The following SLC26A7 variants were observed in gnomAD, a reference collection of about 807,000 sequenced individuals.
SLC26A7 encodes the protein solute carrier family 26 member 7.
In SLC26A7, 59 loss-of-function variants were observed where a neutral mutation model predicts 82.5. That is an observed-to-expected ratio of 0.72 (90% confidence interval 0.58 to 0.89). The LOEUF (loss-of-function observed/expected upper bound fraction) is 0.89, where lower values mean the gene tolerates loss of function less well. Ranked by LOEUF, SLC26A7 falls within the 40% of genes least tolerant of loss-of-function variation. The probability of loss-of-function intolerance (pLI) is 0.00; values close to 1 mark genes in which losing one functional copy is unlikely to be tolerated. For missense variants in SLC26A7, 820 were observed against 793.0 expected (o/e 1.03, Z -0.41); for synonymous variants, 271 against 274.3 (o/e 0.99, Z 0.12).
intron 14 of SLC26A7, among the ~76,000 whole-genome samples, chr8:91,369,543 AT>A (rs1814295302): frequency 1.3e-5 from 2 of 152,178 alleles, no homozygotes; most frequent in South Asian, 4.1e-4. Flanking sequence ...TTTGCAGAAA[AT>A]ATTCTAAAGA....
rs889911842 is a variant in SLC26A7, at chr8:91,225,659, T to G, written c.-34+6654T>G. Among the ~76,000 whole-genome samples, 34 of 134,318 alleles carry G rather than the reference T, an allele frequency of 2.5e-4. 1 individual carries two copies. The East Asian group carries it at 6.7e-3, about 26-fold the overall frequency. The allele number at this position is 134,318 out of a possible 152,430, so 88.1% of individuals were successfully genotyped here. On this transcript the variant is annotated intron_variant, in intron 2 of 5. Coordinates refer to the SLC26A7 transcript ENST00000522862. Reference sequence around the variant, plus strand: ...TAGAAAAGTGTTTTTTTTTTTTTTTTTTTTTTTTTTTTTTTTACCATTTTA... The same window carrying G: ...TAGAAAAGTGTTTTTTTTTTTTTTTGTTTTTTTTTTTTTTTTACCATTTTA...
intron 2 of SLC26A7, among the ~76,000 whole-genome samples, chr8:91,228,619 T>C (rs1026959519): frequency 1.1e-4 from 16 of 151,852 alleles, no homozygotes; most frequent in Non-Finnish European, 1.8e-4. Flanking sequence ...ATTTGATACA[T>C]ATTTGGAGAG....
At position 91,322,786 on chromosome 8, in the gene SLC26A7, T is replaced by C. The variant is rs563673168; in HGVS notation, c.642+4406T>C. 5.9e-5 allele frequency among the ~76,000 whole-genome samples: 9 copies of C among 152,264 alleles called. No homozygotes were observed. In the South Asian group the frequency reaches 1.9e-3, roughly 32 times the overall value. On this transcript the variant is annotated intron_variant, in intron 5 of 18. Transcript: ENST00000276609. ...CAAGAGCAAAAGGCGAGCTTGGCAA[T>C]ATATTCAGCCATCCTTCTTGGAAGT...
intron 2 of SLC26A7, among the ~76,000 whole-genome samples, chr8:91,265,400 C>T (rs1811084026): frequency 6.6e-6 from 1 of 151,974 alleles, no homozygotes; most frequent in Non-Finnish European, 1.5e-5. Context: ...TGGATATATA[C>T]CCAGTAGTGG....
chr8:91,249,747 G>T lies in SLC26A7; in HGVS notation c.96G>T (p.Leu32=). 6.2e-7 allele frequency: 1 copy of T among 1,612,576 alleles called. No individual in the cohort carries two copies. The highest frequency in any genetic ancestry group is 8.5e-7 in the Non-Finnish European group (1 of 1,179,228). The change falls in exon 2 of 19, where the codon CTG becomes CTT. Residue 32 remains leucine, a synonymous_variant. Transcript: ENST00000276609. ...EDIIQWCRRR[L]PILDWAPHYN... ...TTATACAGTGGTGTAGAAGGCGACT[G>T]CCCATTTTGGATTGGGCACCACATT...
At chr8:91,232,450 CACTGCAACAT>C (rs1563636608) in intron 2 of SLC26A7, among the ~76,000 whole-genome samples, 1 of 152,136 alleles carries the variant, frequency 6.6e-6, no homozygotes, top group Non-Finnish European at 1.5e-5. Flanking sequence ...AGTCCTTTTC[CACTGCAACAT>C]ACTACGTTCC....
intron 2 of SLC26A7, among the ~76,000 whole-genome samples, chr8:91,283,289 A>G (rs1811623571): frequency 6.6e-6 from 1 of 152,144 alleles, no homozygotes; most frequent in Non-Finnish European, 1.5e-5. Context: ...GGAGGAAGTG[A>G]AAGATGGGGA....
intron 5 of SLC26A7, among the ~76,000 whole-genome samples, chr8:91,331,849 T>A (rs944035527): frequency 1.3e-5 from 2 of 152,108 alleles, no homozygotes; most frequent in African/African-American, 4.8e-5. Flanking sequence ...AATAATTTGA[T>A]AAAAGAAAGA....
chr8:91,256,303 C>T (rs1375253516), intron 2 of SLC26A7, among the ~76,000 whole-genome samples: 1 of 152,040 alleles, frequency 6.6e-6, no homozygotes, highest in Non-Finnish European at 1.5e-5. Flanking sequence ...AGTTATTGGA[C>T]CAGGTGAAGG....
chr8:91,295,347 G>A (rs918577525), intron 3 of SLC26A7, among the ~76,000 whole-genome samples, 184 bp from the exon 4 acceptor site: 1 of 152,180 alleles, frequency 6.6e-6, no homozygotes, highest in African/African-American at 2.4e-5. Context: ...CATATATGGA[G>A]GTAAGTTTCC....
At chr8:91,343,981 A>G (rs1350883169) in intron 9 of SLC26A7, 2 of 885,274 alleles carry the variant, frequency 2.3e-6, no homozygotes, top group African/African-American at 3.6e-5. Context: ...GGCCTGTGAT[A>G]TACCAGGCAT....
rs79249457 is a variant in SLC26A7, at chr8:91,258,682, C to G, written c.193+8838C>G. On this transcript the variant is annotated intron_variant, in intron 2 of 18. Transcript: ENST00000276609. Reference sequence around the variant, plus strand: ...GACCCTAAGAGTTTGATACTGTTATCTGTATTTAACAGATGAAGGAAAGTA... The same window carrying G: ...GACCCTAAGAGTTTGATACTGTTATGTGTATTTAACAGATGAAGGAAAGTA... 6.9e-3 allele frequency among the ~76,000 whole-genome samples: 1,044 copies of G among 152,158 alleles called. 11 individuals carry two copies. The highest frequency in any genetic ancestry group is 0.024 in the African/African-American group (1,014 of 41,534).
At chr8:91,227,234 A>G (rs1178471184) in intron 2 of SLC26A7, among the ~76,000 whole-genome samples, 2 of 152,166 alleles carry the variant, frequency 1.3e-5, no homozygotes, top group African/African-American at 4.8e-5. Context: ...GCAACTGGAG[A>G]AATAACTTCT....
intron 11 of SLC26A7, among the ~76,000 whole-genome samples, chr8:91,353,344 A>T (rs1049845525): frequency 6.6e-6 from 1 of 152,180 alleles, no homozygotes; most frequent in Non-Finnish European, 1.5e-5. Flanking sequence ...ATGGCAATTT[A>T]TAACCTTTAT....
At chr8:91,231,267 T>A (rs993879966) in intron 2 of SLC26A7, among the ~76,000 whole-genome samples, 3 of 152,228 alleles carry the variant, frequency 2.0e-5, no homozygotes, top group African/African-American at 7.2e-5. Flanking sequence ...TATATCCTTA[T>A]ATCATCAGAT....
At chr8:91,393,734 A>G (rs1414184502) in intron 16 of SLC26A7, 63 bp from the exon 17 acceptor site, 18 of 1,556,716 alleles carry the variant, frequency 1.2e-5, no homozygotes, top group Middle Eastern at 1.7e-4. Flanking sequence ...TCTGAAGCCC[A>G]TCTTATTTCC....
Position 91,367,020 on chromosome 8 carries a change from T to C in SLC26A7, c.1626+303T>C, listed in dbSNP as rs571077272. Among the ~76,000 whole-genome samples the C allele has an allele frequency of 4.6e-5, 7 of 152,206 alleles. No homozygotes were observed. In the East Asian group the frequency reaches 1.4e-3, roughly 29 times the overall value. Reference sequence around the variant, plus strand: ...TAACCAACCTCCAAAGGATTTTTTTTTTTTTGAGATGGAGTCTCGCTGTGT... The same window carrying C: ...TAACCAACCTCCAAAGGATTTTTTTCTTTTTGAGATGGAGTCTCGCTGTGT... On this transcript the variant is annotated intron_variant, in intron 14 of 18. Coordinates refer to ENST00000276609, the MANE Select transcript of SLC26A7 (RefSeq NM_052832.4).
chr8:91,306,406 G>A (rs190199518), intron 4 of SLC26A7, among the ~76,000 whole-genome samples: 1 of 152,142 alleles, frequency 6.6e-6, no homozygotes, highest in Non-Finnish European at 1.5e-5. Flanking sequence ...CTGTGCTGAT[G>A]TATGCAGGAT....
At chr8:91,334,540 C>A in intron 6 of SLC26A7, 93 bp downstream of exon 6, 5 of 1,090,404 alleles carry the variant, frequency 4.6e-6, no homozygotes, top group Admixed American at 2.9e-5. Context: ...TCTGTAGTAA[C>A]CCTCAGCTAC....
Sources: gnomAD v4.1 joint callset for allele counts (sites outside exome capture counted in the v4.1 genomes callset) on GRCh38, gnomAD v4.1.1 for gene constraint, MANE v1.5 for transcripts, NCBI Gene and HGNC (gene_info 2026-07-23, HGNC 2026-07-21) for gene names.